Variants in COL16A1 observed in about 807,000 individuals in gnomAD.
The protein encoded by COL16A1 is collagen alpha-1(XVI) chain.
A neutral mutation model predicts 266.3 loss-of-function variants in COL16A1; 189 were observed. The ratio of observed to expected loss-of-function variants is 0.71; its 90% CI spans 0.63 to 0.80. COL16A1 has a LOEUF of 0.80. Ranked by LOEUF, COL16A1 falls within the 30% of genes least tolerant of loss-of-function variation. The pLI is 0.00. For missense variants in COL16A1, 1,928 were observed against 2,122.4 expected (o/e 0.91, Z 1.80); for synonymous variants, 740 against 782.3 (o/e 0.95, Z 0.90).
intron 39 of COL16A1, 110 bp from the exon 40 acceptor site, chr1:31,680,211 C>A: frequency 6.8e-7 from 1 of 1,468,940 alleles, no homozygotes; most frequent in East Asian, 2.5e-5. Context: ...GGGTTTCAAT[C>A]CAGGATCTGC....
intron 20 of COL16A1, among the ~76,000 whole-genome samples, chr1:31,690,904 G>C (rs1644232094): frequency 6.6e-6 from 1 of 152,176 alleles, no homozygotes; most frequent in African/African-American, 2.4e-5. Flanking sequence ...AATGAGCTTG[G>C]GCCCTCCAGC....
Position 31,690,510 on chromosome 1 carries a change from C to T in COL16A1, c.1482+19G>A. 6.2e-7 allele frequency: 1 copy of T among 1,614,070 alleles called. No homozygotes were observed. The highest frequency in any genetic ancestry group is 8.5e-7 in the Non-Finnish European group (1 of 1,179,942). On this transcript the variant is annotated intron_variant, in intron 21 of 70. Transcript: ENST00000373672. ...CCTTGGAAGAGCCGACCCTCCCCCG[C>T]TGGATTGGTGTCACTCACAGGTTTC...
chr1:31,693,049 CA>C (rs774015761), intron 13 of COL16A1, 42 bp downstream of exon 13: 74 of 1,349,940 alleles, frequency 5.5e-5, no homozygotes, highest in Non-Finnish European at 7.4e-5. Context: ...CCCCAGGGCA[CA>C]GCTGGCAAAG....
At chr1:31,679,905 C>A (rs1252803693) in intron 40 of COL16A1, 54 bp from the exon 41 acceptor site, 4 of 1,523,754 alleles carry the variant, frequency 2.6e-6, no homozygotes, top group Non-Finnish European at 3.5e-6. Context: ...GCAACGTCTA[C>A]ACCAAGCGCG....
At chr1:31,695,067 G>A (rs540831091) in intron 11 of COL16A1, 119 bp downstream of exon 11, 15 of 983,488 alleles carry the variant, frequency 1.5e-5, no homozygotes, top group African/African-American at 8.0e-5. Flanking sequence ...GGCAGGGAGC[G>A]AGTGTGAAAG....
intron 2 of COL16A1, 117 bp from the exon 3 acceptor site, chr1:31,700,232 C>T: frequency 1.1e-6 from 1 of 925,250 alleles, no homozygotes; most frequent in Non-Finnish European, 1.7e-6. Flanking sequence ...GGACCATCAG[C>T]TAGATCCTGC....
At chr1:31,686,024 G>A (rs1643953759) in intron 28 of COL16A1, 67 bp downstream of exon 28, 11 of 1,597,886 alleles carry the variant, frequency 6.9e-6, no homozygotes, top group Middle Eastern at 1.8e-4. Context: ...GTTCGAAGTC[G>A]AGCAAGACGA....
chr1:31,660,770 C>T, intron 61 of COL16A1, 132 bp from the exon 62 acceptor site: 6 of 1,335,900 alleles, frequency 4.5e-6, no homozygotes, highest in Non-Finnish European at 5.1e-6. Flanking sequence ...CAATTCCCAG[C>T]CTCCAGACCC....
At position 31,664,935 on chromosome 1, in the gene COL16A1, G is replaced by T. The variant is rs1296720832; in HGVS notation, c.3555+237C>A. Reference sequence around the variant, plus strand: ...ATCACAGCAGACAAGGGCCTGGGCTGCACAGAGGCCGCAGGCATCCTGGGC... The same window carrying T: ...ATCACAGCAGACAAGGGCCTGGGCTTCACAGAGGCCGCAGGCATCCTGGGC... On this transcript the variant is annotated intron_variant, in intron 56 of 70. Transcript: ENST00000373672. The surrounding 1 kb of genome is among the most constrained non-coding windows in gnomAD (Gnocchi z 5.5). 6.6e-6 allele frequency among the ~76,000 whole-genome samples: 1 copy of T among 152,136 alleles called. No homozygotes were observed. The highest frequency in any genetic ancestry group is 1.5e-5 in the Non-Finnish European group (1 of 68,006).
Position 31,679,623 on chromosome 1 carries a change from C to T in COL16A1, c.2772+9G>A. On this transcript the variant is annotated intron_variant, in intron 42 of 70. Transcript: ENST00000373672. ...CACCCAAGCTCCTCATTCTCTTCTC[C>T]CCCTTTACCTGCAGCCCAGGTACTC... 8 of 1,614,226 alleles carry T rather than the reference C, an allele frequency of 5.0e-6. No homozygotes were observed. Among genetic ancestry groups the T allele is most frequent in the Non-Finnish European group, 6.8e-6 (8 of 1,180,052 alleles).
Position 31,698,024 on chromosome 1 carries a change from G to A in COL16A1, c.539C>T (p.Ala180Val). 9.9e-6 allele frequency: 16 copies of A among 1,613,658 alleles called. No individual in the cohort carries two copies. Among genetic ancestry groups the A allele is most frequent in the Non-Finnish European group, 1.4e-5 (16 of 1,180,028 alleles). ...KLMLSVAGRV[A>V]SVHVDCSSAS... ...TGAGCTGCAGTCCACGTGCACAGAG[G>A]CCACACGTCCAGCCACACTCAGCAT... The change falls in exon 6 of 71, where the codon GCC becomes GTC. Residue 180 changes from alanine (A) to valine (V), a missense_variant. This residue lies in a region of COL16A1 where 1,552 missense variants were observed against 1,637.2 expected (regional missense o/e 0.95). Coordinates refer to ENST00000373672, the MANE Select transcript of COL16A1 (RefSeq NM_001856.4). The surrounding 1 kb of genome is among the most constrained non-coding windows in gnomAD (Gnocchi z 4.1).
rs1220914345 is a variant in COL16A1 at position 31,663,761 on chromosome 1, T to C, written c.3556-1103A>G. Among the ~76,000 whole-genome samples, 2 of 152,186 alleles carry C rather than the reference T, an allele frequency of 1.3e-5. No individual in the cohort carries two copies. Among genetic ancestry groups the C allele is most frequent in the East Asian group, 3.8e-4 (2 of 5,196 alleles). On this transcript the variant is annotated intron_variant, in intron 56 of 70. Coordinates refer to ENST00000373672, the MANE Select transcript of COL16A1 (RefSeq NM_001856.4). The surrounding 1 kb of genome is among the most constrained non-coding windows in gnomAD (Gnocchi z 4.9). Reference sequence around the variant, plus strand: ...CTACAAAATAAAGTCTGAAAACCCCTGCTACAGGCACTGGGGAGCCATTGA... The same window carrying C: ...CTACAAAATAAAGTCTGAAAACCCCCGCTACAGGCACTGGGGAGCCATTGA...
chr1:31,696,223 G>T, intron 8 of COL16A1, 82 bp from the exon 9 acceptor site: 2 of 1,267,842 alleles, frequency 1.6e-6, no homozygotes, highest in Non-Finnish European at 1.1e-6. Flanking sequence ...CAGGCAGGGG[G>T]CATGGGCCCC....
Position 31,693,161 on chromosome 1 carries a change from G to A in COL16A1, c.1009-7C>T, listed in dbSNP as rs1644350951. On this transcript the variant is annotated splice_polypyrimidine_tract_variant and splice_region_variant and intron_variant, in intron 12 of 70. Transcript: ENST00000373672. ...CCCGCTCACCTTTCCCTCCCTGAGA[G>A]TGAAACCAGAATGGAAGATAGGACC... is the stretch of plus-strand genomic sequence containing the variant. The A allele has an allele frequency of 2.5e-6, 4 of 1,600,732 alleles. No individual in the cohort carries two copies. Among genetic ancestry groups the A allele is most frequent in the East Asian group, 2.2e-5 (1 of 44,816 alleles).
At chr1:31,689,609 ACT>A (rs1324430564) in intron 23 of COL16A1, 130 bp downstream of exon 23, 3 of 729,830 alleles carry the variant, frequency 4.1e-6, no homozygotes, top group Middle Eastern at 2.4e-4. Flanking sequence ...AAGAGCCTAG[ACT>A]CTCTGCCCAT....
In COL16A1 at chr1:31,670,848, G is replaced by A. The variant is rs1002548925; in HGVS notation, c.3151-202C>T. Among the ~76,000 whole-genome samples the A allele has an allele frequency of 2.0e-5, 3 of 152,232 alleles. No homozygotes were observed. The highest frequency in any genetic ancestry group is 6.5e-5 in the Admixed American group (1 of 15,294). On this transcript the variant is annotated intron_variant, in intron 48 of 70. Transcript: ENST00000373672. This position sits in a 1 kb window ranked among gnomAD's most constrained non-coding sequence, Gnocchi z 4.5. Reference sequence around the variant, plus strand: ...TGGCTCCAGGAAGAATGGCTCCTCCGTTGACGGAGATGCGGAATGGCTCCA... The same window carrying A: ...TGGCTCCAGGAAGAATGGCTCCTCCATTGACGGAGATGCGGAATGGCTCCA...
chr1:31,695,787 C>A lies in COL16A1; in HGVS notation c.919G>T (p.Val307Phe). The A allele has an allele frequency of 6.2e-7, 1 of 1,613,420 alleles. No individual in the cohort carries two copies. The highest frequency in any genetic ancestry group is 8.5e-7 in the Non-Finnish European group (1 of 1,179,752). Residue 307 changes from valine to phenylalanine, a missense_variant and splice_region_variant, in exon 10 of 71, where the codon GTC becomes TTC. Val to Phe is a conservative substitution (Grantham distance 50, BLOSUM62 -1). Around this residue, in one of 2 missense-constraint regions of COL16A1, gnomAD observed 1,552 missense variants for 1,637.2 expected, o/e 0.95. Transcript: ENST00000373672. ...TCATCGGCTGCTGTCTCCTGATGGA[C>A]CTGAGGAAAGGGTGGGGGGTGTGGG... The part of the protein sequence containing the change: ...ISQKAERGAK[V>F]HQETAADECP...
Position 31,672,828 on chromosome 1 carries a change from C to T in COL16A1, c.2872G>A (p.Asp958Asn), listed in dbSNP as rs747985495. Reference protein sequence around the residue: ...EQHLLKSICGDCVQGQRAHPG... With the variant: ...EQHLLKSICGNCVQGQRAHPG... ...TGGGCCCTCTGCCCCTGGACACAGT[C>T]CCCGCAGATACTCTGATCAGGGAGT... is the stretch of plus-strand genomic sequence containing the variant. Residue 958 changes from aspartate (D) to asparagine (N), a missense_variant, in exon 45 of 71, where the codon GAC becomes AAC. By Grantham distance (23) the Asp-to-Asn change is conservative. Around this residue, in one of 2 missense-constraint regions of COL16A1, gnomAD observed 1,552 missense variants for 1,637.2 expected, o/e 0.95. Coordinates refer to ENST00000373672, the MANE Select transcript of COL16A1 (RefSeq NM_001856.4). 72 of 1,613,842 alleles carry T rather than the reference C, an allele frequency of 4.5e-5. 1 individual carries two copies. In the Admixed American group the frequency reaches 1.2e-3, roughly 27 times the overall value.
Position 31,656,912 on chromosome 1 carries a change from A to T in COL16A1, c.4056+121T>A. On this transcript the variant is annotated intron_variant, in intron 65 of 70. Transcript: ENST00000373672. The surrounding 1 kb of genome is among the most constrained non-coding windows in gnomAD (Gnocchi z 4.2). ...CTCTCCCCAGGACAACAGGGTTAAC[A>T]ATTTCCAGAGACAGCCCGTACATAG... is the stretch of plus-strand genomic sequence containing the variant. 7.1e-7 allele frequency: 1 copy of T among 1,415,022 alleles called. No homozygotes were observed. The highest frequency in any genetic ancestry group is 2.3e-5 in the East Asian group (1 of 43,572). 87.7% of individuals were successfully genotyped at this position (1,415,022 alleles called of 1,614,324 possible).
Sources: gnomAD v4.1 joint callset for allele counts (sites outside exome capture counted in the v4.1 genomes callset) on GRCh38, gnomAD v4.1.1 for gene constraint, gnomAD v4.1.1 regional missense constraint, Gnocchi (gnomAD v3.1) non-coding constraint, MANE v1.5 for transcripts, NCBI Gene and HGNC (gene_info 2026-07-23, HGNC 2026-07-21) for gene names.